The following RIN2 variants were observed in gnomAD, a reference collection of about 807,000 sequenced individuals.
RIN2 encodes RAB5 interacting protein 2.
RIN2 carries 36 observed loss-of-function variants against 78.0 expected under a neutral mutation model. The ratio of observed to expected loss-of-function variants is 0.46; its 90% CI spans 0.35 to 0.61. RIN2 has a LOEUF of 0.61. Among genes scored for constraint, RIN2 ranks in the 20% least tolerant of loss-of-function variants. The pLI, the probability that RIN2 is intolerant of heterozygous loss-of-function variation, is 0.00. For synonymous variants in RIN2, 466 were observed against 466.8 expected (o/e 1.00, Z 0.02); for missense variants, 1,087 against 1,159.7 (o/e 0.94, Z 0.91).
chr20:19,946,848 T>C (rs1021346380), intron 4 of RIN2, among the ~76,000 whole-genome samples: 6 of 150,414 alleles, frequency 4.0e-5, no homozygotes, highest in Admixed American at 4.0e-4. Context: ...CTGGCCAACA[T>C]AGCAAAACTC....
chr20:19,881,417 A>G (rs183861432), intron 2 of RIN2, among the ~76,000 whole-genome samples: 1 of 152,200 alleles, frequency 6.6e-6, no homozygotes, highest in Non-Finnish European at 1.5e-5. Flanking sequence ...ACATCAGCAT[A>G]TACATGGTCA....
intron 3 of RIN2, among the ~76,000 whole-genome samples, chr20:19,909,193 G>A (rs966875338): frequency 6.6e-6 from 1 of 151,992 alleles, no homozygotes; most frequent in Non-Finnish European, 1.5e-5. Context: ...GTAACCCACT[G>A]AGGCCCATAA....
intron 2 of RIN2, among the ~76,000 whole-genome samples, chr20:19,852,935 C>T (rs993840667): frequency 6.6e-6 from 1 of 151,638 alleles, no homozygotes; most frequent in Admixed American, 6.6e-5. Context: ...GCACAACGTG[C>T]AGGTTTGTTA....
intron 2 of RIN2, among the ~76,000 whole-genome samples, chr20:19,807,855 C>T (rs540410234): frequency 1.3e-5 from 2 of 152,152 alleles, no homozygotes; most frequent in Non-Finnish European, 2.9e-5. Flanking sequence ...GGAGAAGAGG[C>T]AAAGCTTTTA....
intron 2 of RIN2, among the ~76,000 whole-genome samples, chr20:19,824,709 C>G (rs1229278749): frequency 2.6e-5 from 4 of 152,148 alleles, no homozygotes; most frequent in Non-Finnish European, 5.9e-5. Context: ...TGAGTTCTGG[C>G]TGGCAGGGAC....
At chr20:19,954,724 C>G (rs1296449409) in intron 4 of RIN2, among the ~76,000 whole-genome samples, 1 of 151,648 alleles carries the variant, frequency 6.6e-6, no homozygotes, top group Non-Finnish European at 1.5e-5. Flanking sequence ...TGTCCCTCAC[C>G]CCTGTGCCCC....
At chr20:19,974,306 C>T (rs558624611) in intron 8 of RIN2, among the ~76,000 whole-genome samples, 3 of 152,290 alleles carry the variant, frequency 2.0e-5, no homozygotes, top group African/African-American at 7.2e-5. Context: ...TAAAGCAAGT[C>T]AGGAAGCCCC....
chr20:19,923,580 C>G (rs1397252758), intron 3 of RIN2, among the ~76,000 whole-genome samples: 1 of 151,914 alleles, frequency 6.6e-6, no homozygotes, highest in Admixed American at 6.6e-5. Flanking sequence ...GAGTTTGAGA[C>G]CAGCTTGGGC....
chr20:19,954,077 T>C (rs1409318017), intron 4 of RIN2, among the ~76,000 whole-genome samples: 1 of 152,184 alleles, frequency 6.6e-6, no homozygotes, highest in Non-Finnish European at 1.5e-5. Context: ...GACGGGGGTC[T>C]CTGGCCAGTC....
chr20:19,763,263 C>T (rs1230416646), intron 1 of RIN2, among the ~76,000 whole-genome samples: 2 of 152,130 alleles, frequency 1.3e-5, no homozygotes, highest in Admixed American at 1.3e-4. Flanking sequence ...TGGCAGGCCC[C>T]TGTAGTCCTC....
At chr20:19,760,833 G>A (rs748618887) in intron 1 of RIN2, among the ~76,000 whole-genome samples, 4 of 152,112 alleles carry the variant, frequency 2.6e-5, no homozygotes, top group Non-Finnish European at 5.9e-5. Flanking sequence ...CCCCGACCCT[G>A]TCCTCCTTTC....
At chr20:19,955,054 A>G (rs1030062723) in intron 4 of RIN2, among the ~76,000 whole-genome samples, 3 of 152,284 alleles carry the variant, frequency 2.0e-5, no homozygotes, top group Admixed American at 1.3e-4. Context: ...CTAATACCAG[A>G]ACATTTCCAT....
At chr20:19,841,700 G>A (rs2036581631) in intron 2 of RIN2, among the ~76,000 whole-genome samples, 1 of 152,186 alleles carries the variant, frequency 6.6e-6, no homozygotes, top group Non-Finnish European at 1.5e-5. Context: ...TGGCTTGCAG[G>A]CAGAACTGCC....
intron 4 of RIN2, among the ~76,000 whole-genome samples, chr20:19,948,461 C>A (rs1404677876): frequency 6.6e-6 from 1 of 152,100 alleles, no homozygotes; most frequent in Non-Finnish European, 1.5e-5. Context: ...GTGGCGTGAT[C>A]TCGGCTTACT....
intron 2 of RIN2, among the ~76,000 whole-genome samples, chr20:19,838,121 ATCT>A (rs1333426285): frequency 2.0e-5 from 3 of 152,218 alleles, no homozygotes; most frequent in East Asian, 1.9e-4. Context: ...GGCTATTTCC[ATCT>A]TCTTTTAACA....
chr20:19,793,855 G>T (rs924893978), intron 1 of RIN2, among the ~76,000 whole-genome samples: 1 of 152,198 alleles, frequency 6.6e-6, no homozygotes, highest in Non-Finnish European at 1.5e-5. Flanking sequence ...CTGACGCATT[G>T]CTGGGGTTGC....
intron 3 of RIN2, among the ~76,000 whole-genome samples, chr20:19,930,567 C>T (rs752593598): frequency 1.3e-5 from 2 of 152,100 alleles, no homozygotes; most frequent in Non-Finnish European, 2.9e-5. Flanking sequence ...GAAATGTACC[C>T]AGTGACGGGG....
chr20:19,881,417 A>T lies in RIN2; in HGVS notation c.-36-8149A>T, dbSNP rs183861432. ...GGAAAGTTTGGAAAGACATCAGCAT[A>T]TACATGGTCAAAATGAAGGAAAAGA... On this transcript the variant is annotated intron_variant, in intron 2 of 12. Coordinates refer to ENST00000255006, the MANE Select transcript of RIN2 (RefSeq NM_018993.4). Among the ~76,000 whole-genome samples the T allele has an allele frequency of 1.6e-4, 25 of 152,318 alleles. No individual in the cohort carries two copies. In the East Asian group the frequency reaches 4.6e-3, roughly 28 times the overall value.
intron 1 of RIN2, among the ~76,000 whole-genome samples, chr20:19,776,776 A>G (rs1448397356): frequency 6.6e-6 from 1 of 151,720 alleles, no homozygotes; most frequent in Non-Finnish European, 1.5e-5. Context: ...AAATCTGCCC[A>G]CAGCCTGGAA....
Sources: gnomAD v4.1 joint callset for allele counts (sites outside exome capture counted in the v4.1 genomes callset) on GRCh38, gnomAD v4.1.1 for gene constraint, MANE v1.5 for transcripts, NCBI Gene and HGNC (gene_info 2026-07-23, HGNC 2026-07-21) for gene names.